DDR2: variants seen among roughly 807,000 people sequenced by gnomAD.
DDR2 encodes the protein discoidin domain receptor tyrosine kinase 2.
In DDR2, 27 loss-of-function variants were observed where a neutral mutation model predicts 94.9. That is an observed-to-expected ratio of 0.28 (90% CI 0.21 to 0.39). The LOEUF (loss-of-function observed/expected upper bound fraction) is 0.39, where lower values mean the gene tolerates loss of function less well. Among genes scored for constraint, DDR2 ranks in the 10% least tolerant of loss-of-function variants. DDR2 has a pLI of 1.00. For missense variants in DDR2, 783 were observed against 1,076.0 expected (o/e 0.73, Z 3.81); for synonymous variants, 382 against 377.2 (o/e 1.01, Z -0.15).
At chr1:162,750,690 C>T (rs1482784110) in intron 3 of DDR2, among the ~76,000 whole-genome samples, 1 of 152,176 alleles carries the variant, frequency 6.6e-6, no homozygotes, top group African/African-American at 2.4e-5. Flanking sequence ...ATTGCCAAGA[C>T]AATCCTAAGC....
At chr1:162,765,376 A>G (rs931687049) in intron 9 of DDR2, among the ~76,000 whole-genome samples, 1 of 152,180 alleles carries the variant, frequency 6.6e-6, no homozygotes, top group Non-Finnish European at 1.5e-5. Context: ...AAGGAAATAC[A>G]TATTCTAATT....
chr1:162,674,749 C>T (rs1347930876), intron 2 of DDR2, among the ~76,000 whole-genome samples: 1 of 152,184 alleles, frequency 6.6e-6, no homozygotes, highest in African/African-American at 2.4e-5. Context: ...GAGCACTATA[C>T]AGAGATTATT....
chr1:162,690,883 A>G (rs1422804352), intron 2 of DDR2, among the ~76,000 whole-genome samples: 1 of 152,140 alleles, frequency 6.6e-6, no homozygotes, highest in African/African-American at 2.4e-5. Context: ...ACGGACCTAC[A>G]GTTATATTTT....
chr1:162,766,031 T>A lies in DDR2; in HGVS notation c.1130T>A (p.Leu377Gln). 1 of 1,614,012 alleles carries A rather than the reference T, an allele frequency of 6.2e-7. No individual in the cohort carries two copies. The highest frequency in any genetic ancestry group is 8.5e-7 in the Non-Finnish European group (1 of 1,180,006). ...GCAATGTACAACAACTCTGAAGCCC[T>A]GCCCACCTCTCCTATGGCACCCACA... Reference protein sequence around the residue: ...DAAMYNNSEALPTSPMAPTTY... With the variant: ...DAAMYNNSEAQPTSPMAPTTY... Residue 377 changes from leucine (L) to glutamine (Q), a missense_variant, in exon 10 of 18, where the codon CTG (leucine) becomes CAG (glutamine). Transcript: ENST00000367921.
At chr1:162,703,035 C>CT (rs1472888120) in intron 2 of DDR2, among the ~76,000 whole-genome samples, 1 of 152,080 alleles carries the variant, frequency 6.6e-6, no homozygotes, top group Non-Finnish European at 1.5e-5. Flanking sequence ...CCATCCTTTC[C>CT]TTTTGGAAGT....
upstream of DDR2, among the ~76,000 whole-genome samples, chr1:162,632,300 C>G (rs944076971): frequency 2.6e-5 from 4 of 152,172 alleles, no homozygotes; most frequent in South Asian, 2.1e-4. Flanking sequence ...TGCCCATAGT[C>G]CCTTGGGTCA....
chr1:162,785,338 G>T lies in DDR2; in HGVS notation c.*5092G>T, dbSNP rs1648105864. The T allele has an allele frequency of 6.6e-6, 1 of 152,212 alleles. No homozygotes were observed. The highest frequency in any genetic ancestry group is 2.1e-4 in the South Asian group (1 of 4,836). The allele number at this position is 152,212 out of a possible 1,614,324, so 9.4% of individuals were successfully genotyped here. A position where few individuals can be genotyped will look rare whatever the true frequency, so the allele number is the denominator to read the frequency against. ...AATGGCACTGGAAATAGCTTGTGGA[G>T]AGAATAGAATACAATGGTATAGACT... On this transcript the variant is annotated 3_prime_UTR_variant, in exon 18 of 18. Transcript: ENST00000367921.
At position 162,747,876 on chromosome 1, in the gene DDR2, C is replaced by T. The variant is rs545357504; in HGVS notation, c.83-5219C>T. 1.8e-3 allele frequency among the ~76,000 whole-genome samples: 268 copies of T among 152,188 alleles called. 5 individuals carry two copies. Among genetic ancestry groups the T allele is most frequent in the South Asian group, 0.011 (52 of 4,814 alleles). On this transcript the variant is annotated intron_variant, in intron 3 of 17. Coordinates refer to ENST00000367921, the MANE Select transcript of DDR2 (RefSeq NM_006182.4). ...TTCTTAAAGAAAAGAATTTTTAACC[C>T]AGAATTTCATATCCAGCCAAACTAA...
intron 2 of DDR2, among the ~76,000 whole-genome samples, chr1:162,661,899 G>A (rs2101921273): frequency 6.6e-6 from 1 of 152,330 alleles, no homozygotes; most frequent in South Asian, 2.1e-4. Context: ...TTCTTACTTA[G>A]TTCCTTTTCC....
chr1:162,709,165 G>C (rs986770177), intron 2 of DDR2, among the ~76,000 whole-genome samples: 4 of 152,158 alleles, frequency 2.6e-5, no homozygotes, highest in Non-Finnish European at 5.9e-5. Context: ...CTCAAACCCA[G>C]CAAGCCTGGT....
At chr1:162,708,696 A>G (rs1278040053) in intron 2 of DDR2, among the ~76,000 whole-genome samples, 1 of 152,212 alleles carries the variant, frequency 6.6e-6, no homozygotes, top group African/African-American at 2.4e-5. Flanking sequence ...CTTTCCCCAG[A>G]GGCAGCATCA....
At chr1:162,683,050 T>G (rs1015989658) in intron 2 of DDR2, among the ~76,000 whole-genome samples, 2 of 152,188 alleles carry the variant, frequency 1.3e-5, no homozygotes, top group African/African-American at 4.8e-5. Flanking sequence ...CATATCAAAT[T>G]AGATTTATTC....
chr1:162,638,167 C>T (rs1226840425), intron 1 of DDR2, among the ~76,000 whole-genome samples: 7 of 152,166 alleles, frequency 4.6e-5, no homozygotes, highest in Non-Finnish European at 7.4e-5. Context: ...ATTACAGACA[C>T]CCGCCACCAA....
intron 4 of DDR2, 132 bp from the exon 5 acceptor site, chr1:162,754,492 C>T: frequency 1.1e-6 from 1 of 888,336 alleles, no homozygotes; most frequent in South Asian, 1.4e-5. Context: ...AAAACTGTGG[C>T]AAGAACCCAA....
intron 3 of DDR2, among the ~76,000 whole-genome samples, chr1:162,736,446 C>T (rs1662304411): frequency 6.6e-6 from 1 of 152,164 alleles, no homozygotes; most frequent in Non-Finnish European, 1.5e-5. Context: ...GCTTTAGAGC[C>T]AAGTTCTAAG....
At chr1:162,680,784 G>C (rs1251452151) in intron 2 of DDR2, among the ~76,000 whole-genome samples, 1 of 152,202 alleles carries the variant, frequency 6.6e-6, no homozygotes, top group Non-Finnish European at 1.5e-5. Context: ...GGGAGAGGGA[G>C]AGGACTTTAT....
chr1:162,660,381 C>G (rs1383918789), intron 2 of DDR2, among the ~76,000 whole-genome samples: 4 of 44,572 alleles, frequency 9.0e-5, no homozygotes, highest in African/African-American at 1.9e-4. Context: ...TGTTCTGCTC[C>G]AATATTGTCT....
Position 162,769,081 on chromosome 1 carries a change from C to G in DDR2, c.1294-1221C>G, listed in dbSNP as rs188560813. Among the ~76,000 whole-genome samples, 52 of 152,290 alleles carry G rather than the reference C, an allele frequency of 3.4e-4. No homozygotes were observed. The East Asian group carries it at 9.3e-3, about 27-fold the overall frequency. ...GTTCTCTGCTATATGAGCTCTTTTTCTCTTTATTTGAGCCACAATTTACCA... is the reference window on the plus strand; with the variant it reads ...GTTCTCTGCTATATGAGCTCTTTTTGTCTTTATTTGAGCCACAATTTACCA... On this transcript the variant is annotated intron_variant, in intron 11 of 17. Transcript: ENST00000367921.
intron 2 of DDR2, among the ~76,000 whole-genome samples, chr1:162,680,744 T>C (rs1460801479): frequency 6.6e-6 from 1 of 152,178 alleles, no homozygotes; most frequent in Non-Finnish European, 1.5e-5. Flanking sequence ...GAAAATAATA[T>C]AACCCAACCT....
Sources: allele counts gnomAD v4.1 joint callset (sites outside exome capture counted in the v4.1 genomes callset), GRCh38; gene constraint gnomAD v4.1.1; transcripts MANE v1.5; gene names NCBI Gene and HGNC (gene_info 2026-07-23, HGNC 2026-07-21).